The following CRLS1 variants were observed in gnomAD, a reference collection of about 807,000 sequenced individuals.
CRLS1 encodes cardiolipin synthase 1, also known as cardiolipin synthase (CMP-forming).
Under a neutral mutation model 37.0 loss-of-function variants are expected in CRLS1, and 24 were observed. The observed-to-expected ratio is 0.65, with a 90% CI of 0.47 to 0.91. CRLS1 has a LOEUF of 0.91. Among genes scored for constraint, CRLS1 ranks in the 40% least tolerant of loss-of-function variants. CRLS1 has a pLI of 0.00. For synonymous variants in CRLS1, 135 were observed against 159.7 expected (o/e 0.85, Z 1.17); for missense variants, 373 against 395.8 (o/e 0.94, Z 0.49).
In CRLS1 at chr20:6,038,750, G is replaced by A. The variant is rs1017586988; in HGVS notation, c.*1592G>A. The A allele has an allele frequency of 2.6e-5, 4 of 152,226 alleles. No homozygotes were observed. The highest frequency in any genetic ancestry group is 4.8e-5 in the African/African-American group (2 of 41,448). 9.4% of individuals were successfully genotyped at this position (152,226 alleles called of 1,614,324 possible). On this transcript the variant is annotated 3_prime_UTR_variant, in exon 7 of 7. Coordinates refer to ENST00000378863, the MANE Select transcript of CRLS1 (RefSeq NM_019095.6). ...AAGAGAGGACTTGAAGTAGCTATGC[G>A]AAAATTTAGAACTTTGCACTTTGTT...
intron 2 of CRLS1, among the ~76,000 whole-genome samples, chr20:6,013,271 T>G (rs1328514515): frequency 6.7e-6 from 1 of 149,744 alleles, no homozygotes; most frequent in Non-Finnish European, 1.5e-5. Context: ...AGGTTGGCCT[T>G]GAACTCCTGG....
In CRLS1 at chr20:6,006,292, G is replaced by C; in HGVS notation, c.46G>C (p.Gly16Arg). 7.7e-7 allele frequency: 1 copy of C among 1,294,198 alleles called. No individual in the cohort carries two copies. Among genetic ancestry groups the C allele is most frequent in the East Asian group, 3.2e-5 (1 of 31,242 alleles). The allele number at this position is 1,294,198 out of a possible 1,614,324, so 80.2% of individuals were successfully genotyped here. The stretch of plus-strand genomic sequence containing the variant: ...GCGCGGCTCGTGGGGGGCCCTGCGC[G>C]GCGCCGCTTGGGCTCCGGGAACGCG... ...VARGSWGALR[G>R]AAWAPGTRPS... Residue 16 changes from glycine to arginine, a missense_variant, in exon 1 of 7, where the codon GGC becomes CGC. Physicochemically the swap from Gly to Arg is moderately radical, Grantham distance 125 (BLOSUM62 -2). Coordinates refer to ENST00000378863, the MANE Select transcript of CRLS1 (RefSeq NM_019095.6).
chr20:6,031,213 A>G (rs1980138775), intron 3 of CRLS1, 72 bp from the exon 4 acceptor site: 1 of 942,274 alleles, frequency 1.1e-6, no homozygotes, highest in Non-Finnish European at 1.6e-6. Context: ...TGAATGACAT[A>G]TTATTGTATT....
chr20:6,029,542 A>G (rs1568629401), intron 3 of CRLS1, among the ~76,000 whole-genome samples: 1 of 151,980 alleles, frequency 6.6e-6, no homozygotes, highest in East Asian at 1.9e-4. Flanking sequence ...TATTTTTAGT[A>G]GAGATGGGGC....
chr20:6,026,298 A>C (rs934812920), intron 3 of CRLS1: 1 of 148,460 alleles, frequency 6.7e-6, no homozygotes, highest in African/African-American at 2.6e-5. Context: ...GATTGTTAGC[A>C]TGTGGTGTGA....
intron 1 of CRLS1, chr20:6,007,517 T>C: frequency 8.6e-7 from 1 of 1,160,774 alleles, no homozygotes; most frequent in Non-Finnish European, 1.3e-6. Flanking sequence ...AAATATTCTA[T>C]GTGGAGCTAA....
chr20:6,006,936 G>T (rs1356550601), intron 1 of CRLS1: 6 of 589,308 alleles, frequency 1.0e-5, no homozygotes, highest in Non-Finnish European at 1.3e-5. Context: ...AGGTATACAG[G>T]CCCTTCTGTT....
chr20:6,020,296 C>T (rs1345772189), intron 3 of CRLS1, among the ~76,000 whole-genome samples: 1 of 152,118 alleles, frequency 6.6e-6, no homozygotes, highest in Non-Finnish European at 1.5e-5. Context: ...CATTGCATCT[C>T]CTATGTTGGT....
intron 3 of CRLS1, among the ~76,000 whole-genome samples, chr20:6,024,277 T>A (rs1266777545): frequency 1.3e-5 from 2 of 152,160 alleles, no homozygotes; most frequent in African/African-American, 4.8e-5. Flanking sequence ...TTATAATAAT[T>A]CTGCCAATAT....
rs1377251408 is a variant in CRLS1, at chr20:6,006,421, C to T, written c.175C>T (p.Arg59Trp). The T allele has an allele frequency of 2.1e-6, 3 of 1,407,936 alleles. No individual in the cohort carries two copies. The highest frequency in any genetic ancestry group is 1.5e-5 in the South Asian group (1 of 66,498). 87.2% of individuals were successfully genotyped at this position (1,407,936 alleles called of 1,614,324 possible). ...WRLRPAALGL[R>W]LPGIGQRNHC... ...GCTGCGTCCGGCCGCTCTTGGCTTGCGGCTGCCCGGGATCGGCCAGCGGAA... is the reference window on the plus strand; with the variant it reads ...GCTGCGTCCGGCCGCTCTTGGCTTGTGGCTGCCCGGGATCGGCCAGCGGAA... The change falls in exon 1 of 7, where the codon CGG becomes TGG. Residue 59 changes from arginine (R) to tryptophan (W), a missense_variant. Coordinates refer to ENST00000378863, the MANE Select transcript of CRLS1 (RefSeq NM_019095.6).
chr20:6,006,090 T>G, upstream of CRLS1: 1 of 394,552 alleles, frequency 2.5e-6, no homozygotes. Flanking sequence ...TCCTGCCACC[T>G]GTATAAGTGG....
At chr20:6,024,903 C>T (rs1311629456) in intron 3 of CRLS1, among the ~76,000 whole-genome samples, 1 of 152,178 alleles carries the variant, frequency 6.6e-6, no homozygotes, top group Non-Finnish European at 1.5e-5. Context: ...TAAGTCTCTT[C>T]CATTCCTTGA....
chr20:6,029,453 C>T (rs1333412132), intron 3 of CRLS1, among the ~76,000 whole-genome samples: 1 of 151,150 alleles, frequency 6.6e-6, no homozygotes, highest in African/African-American at 2.4e-5. Context: ...CAGCCTCTGC[C>T]TCCTGGCAAG....
intron 6 of CRLS1, among the ~76,000 whole-genome samples, chr20:6,036,762 G>A (rs79322764): frequency 0.028 from 4,267 of 152,238 alleles, 204 homozygotes; most frequent in African/African-American, 0.097. Flanking sequence ...GGATGAGTTC[G>A]TTGTAAGAAT....
chr20:6,006,838 G>A, intron 1 of CRLS1: 4 of 984,250 alleles, frequency 4.1e-6, no homozygotes, highest in Non-Finnish European at 4.8e-6. Context: ...GATAAAGGTA[G>A]CCTTCGCTTG....
chr20:6,034,731 G>A (rs1036587289), intron 6 of CRLS1, among the ~76,000 whole-genome samples, 176 bp downstream of exon 6: 2 of 152,184 alleles, frequency 1.3e-5, no homozygotes, highest in African/African-American at 4.8e-5. Flanking sequence ...AGATGGAGAA[G>A]TTAGCTTTCA....
chr20:6,028,264 G>A (rs998012447), intron 3 of CRLS1: 13 of 151,984 alleles, frequency 8.6e-5, no homozygotes, highest in African/African-American at 2.9e-4. Flanking sequence ...TCTTTTTATG[G>A]GAGGGGGAGA....
In CRLS1 at chr20:6,006,308, C is replaced by T. The variant is rs904818573; in HGVS notation, c.62C>T (p.Pro21Leu). Residue 21 changes from proline (P) to leucine (L), a missense_variant, in exon 1 of 7, where the codon CCG (proline) becomes CTG (leucine). Pro to Leu is a moderately conservative substitution (Grantham distance 98). Transcript: ENST00000378863. ...WGALRGAAWA[P>L]GTRPSKRRAC... ...GCCCTGCGCGGCGCCGCTTGGGCTCCGGGAACGCGGCCGAGTAAGCGACGC... is the reference window on the plus strand; with the variant it reads ...GCCCTGCGCGGCGCCGCTTGGGCTCTGGGAACGCGGCCGAGTAAGCGACGC... 35 of 1,322,302 alleles carry T rather than the reference C, an allele frequency of 2.6e-5. No homozygotes were observed. In the Admixed American group the frequency reaches 4.0e-4, roughly 15 times the overall value. The allele number at this position is 1,322,302 out of a possible 1,614,324, so 81.9% of individuals were successfully genotyped here. A position where few individuals can be genotyped will look rare whatever the true frequency, so the allele number is the denominator to read the frequency against.
intron 1 of CRLS1, chr20:6,006,791 AC>A: frequency 1.0e-6 from 1 of 985,292 alleles, no homozygotes; most frequent in South Asian, 4.7e-5. Flanking sequence ...TTCTATCTGC[AC>A]CCGTTGCTGG....
Sources: allele counts gnomAD v4.1 joint callset (sites outside exome capture counted in the v4.1 genomes callset), GRCh38; gene constraint gnomAD v4.1.1; transcripts MANE v1.5; gene names NCBI Gene and HGNC (gene_info 2026-07-23, HGNC 2026-07-21).